Variants in FFAR4 observed in about 807,000 individuals in gnomAD.
The protein encoded by FFAR4 is free fatty acid receptor 4.
Under a neutral mutation model 27.0 loss-of-function variants are expected in FFAR4, and 19 were observed. That is an observed-to-expected ratio of 0.70 (90% CI 0.49 to 1.03). FFAR4 has a LOEUF of 1.03. Ranked by LOEUF, FFAR4 falls within the 50% of genes least tolerant of loss-of-function variation. The probability of loss-of-function intolerance (pLI) is 0.00; values close to 1 mark genes in which losing one functional copy is unlikely to be tolerated. For missense variants in FFAR4, 476 were observed against 479.0 expected (o/e 0.99, Z 0.06); for synonymous variants, 254 against 215.6 (o/e 1.18, Z -1.56).
chr10:93,573,703 C>G (rs1474062561), intron 1 of FFAR4, among the ~76,000 whole-genome samples: 1 of 152,174 alleles, frequency 6.6e-6, no homozygotes, highest in Non-Finnish European at 1.5e-5. Context: ...GGGTGCCAGG[C>G]AGAGTTCTTA....
At chr10:93,579,495 C>A (rs1464255751) in intron 2 of FFAR4, among the ~76,000 whole-genome samples, 1 of 152,158 alleles carries the variant, frequency 6.6e-6, no homozygotes, top group East Asian at 1.9e-4. Flanking sequence ...AAGCTCTTCA[C>A]CAAAAAGTCT....
At chr10:93,571,878 A>C (rs1220740364) in intron 1 of FFAR4, among the ~76,000 whole-genome samples, 2 of 152,164 alleles carry the variant, frequency 1.3e-5, no homozygotes, top group Non-Finnish European at 2.9e-5. Flanking sequence ...CTCCAGAGGT[A>C]CTGCAGGAAG....
At chr10:93,573,472 A>G (rs1256830545) in intron 1 of FFAR4, among the ~76,000 whole-genome samples, 1 of 152,192 alleles carries the variant, frequency 6.6e-6, no homozygotes, top group Non-Finnish European at 1.5e-5. Flanking sequence ...CTGCGGGAGA[A>G]TACCTAGAAT....
chr10:93,588,790 A>G lies in FFAR4; in HGVS notation c.*1181A>G, dbSNP rs2058245894. ...AGCCTCAAATGCCTTGGCTCAAGCA[A>G]TCCTCCCGCCTCAGCCTCCCAAGTA... On this transcript the variant is annotated 3_prime_UTR_variant, in exon 3 of 3. Coordinates refer to ENST00000371481, the MANE Select transcript of FFAR4 (RefSeq NM_001195755.2). 2 of 152,264 alleles carry G rather than the reference A, an allele frequency of 1.3e-5. No individual in the cohort carries two copies. Among genetic ancestry groups the G allele is most frequent in the African/African-American group, 4.8e-5 (2 of 41,462 alleles). The allele number at this position is 152,264 out of a possible 1,614,324, so 9.4% of individuals were successfully genotyped here. A position where few individuals can be genotyped will look rare whatever the true frequency, so the allele number is the denominator to read the frequency against.
At chr10:93,582,544 C>CAAAA in intron 2 of FFAR4, among the ~76,000 whole-genome samples, 1 of 99,244 alleles carries the variant, frequency 1.0e-5, no homozygotes, top group African/African-American at 3.5e-5. Context: ...AACTCCATCT[C>CAAAA]AAAAAAAAAA....
intron 2 of FFAR4, among the ~76,000 whole-genome samples, chr10:93,583,627 T>C (rs1391363569): frequency 6.6e-6 from 1 of 152,070 alleles, no homozygotes; most frequent in African/African-American, 2.4e-5. Flanking sequence ...AAAGAACTAG[T>C]TTATGATAAA....
intron 2 of FFAR4, 106 bp from the exon 3 acceptor site, chr10:93,587,114 C>A (rs537423167): frequency 2.0e-6 from 2 of 988,778 alleles, no homozygotes; most frequent in Non-Finnish European, 3.0e-6. Context: ...AGGCACACAG[C>A]TTCAGTGCCT....
chr10:93,587,093 C>G (rs574516512), intron 2 of FFAR4, 127 bp from the exon 3 acceptor site: 1 of 793,358 alleles, frequency 1.3e-6, no homozygotes, highest in East Asian at 2.6e-5. Context: ...CTCGGGCACA[C>G]AAAGTCCCAG....
In FFAR4 at chr10:93,566,975, C is replaced by T; in HGVS notation, c.255C>T (p.Asp85=). 6.2e-7 allele frequency: 1 copy of T among 1,612,016 alleles called. No homozygotes were observed. The highest frequency in any genetic ancestry group is 1.1e-5 in the South Asian group (1 of 91,080). Residue 85 remains aspartate, a synonymous_variant, in exon 1 of 3, where the codon GAC becomes GAT. Transcript: ENST00000371481. The stretch of plus-strand genomic sequence containing the variant: ...TGGTACTCAACCTCTTCTGCGCGGA[C>T]CTGCTCTTCATCAGCGCTATCCCTC... ...ACLVLNLFCA[D]LLFISAIPLV...
chr10:93,579,232 G>A, intron 2 of FFAR4: 1 of 1,589,972 alleles, frequency 6.3e-7, no homozygotes, highest in Non-Finnish European at 8.6e-7. Context: ...GAGTAACAGA[G>A]TAACAGAGCA....
intron 1 of FFAR4, among the ~76,000 whole-genome samples, chr10:93,568,739 C>T (rs2058114728): frequency 6.6e-6 from 1 of 151,920 alleles, no homozygotes; most frequent in Non-Finnish European, 1.5e-5. Flanking sequence ...GTATCCTGTG[C>T]GAGATTTTTT....
In FFAR4 at chr10:93,587,412, G is replaced by A; in HGVS notation, c.889G>A (p.Val297Ile). The change falls in exon 3 of 3, where the codon GTC becomes ATC. Residue 297 changes from valine (V) to isoleucine (I), a missense_variant. Val to Ile is a conservative substitution (Grantham distance 29, BLOSUM62 3). Coordinates refer to ENST00000371481, the MANE Select transcript of FFAR4 (RefSeq NM_001195755.2). ...GATCCAGAACTTCAAGCAAGACCTG[G>A]TCATCTGGCCGTCCCTCTTCTTCTG... Reference protein sequence around the residue: ...ILIQNFKQDLVIWPSLFFWVV... With the variant: ...ILIQNFKQDLIIWPSLFFWVV... The A allele has an allele frequency of 6.2e-7, 1 of 1,613,846 alleles. No homozygotes were observed. The highest frequency in any genetic ancestry group is 8.5e-7 in the Non-Finnish European group (1 of 1,179,974).
Position 93,567,207 on chromosome 10 carries a change from TG to T in FFAR4, c.491del (p.Gly164AlafsTer33). On this transcript the variant is annotated frameshift_variant, in exon 1 of 3. Transcript: ENST00000371481. LOFTEE classifies it high-confidence loss of function. ...RARAVLLALI[W>X]GYSAVAALPL... is the part of the protein sequence containing the mutation. ...GCGGGCAGTGCTGCTGGCGCTCATCTGGGGCTATTCGGCGGTCGCCGCTCTG... is the reference window on the plus strand; with the variant it reads ...GCGGGCAGTGCTGCTGGCGCTCATCTGGGCTATTCGGCGGTCGCCGCTCTG... The T allele has an allele frequency of 6.2e-7, 1 of 1,602,886 alleles. No individual in the cohort carries two copies.
intron 2 of FFAR4, among the ~76,000 whole-genome samples, chr10:93,585,679 G>A (rs1368716905): frequency 6.6e-6 from 1 of 152,182 alleles, no homozygotes; most frequent in Non-Finnish European, 1.5e-5. Context: ...ATATGAGGTG[G>A]TTGCCCCCTT....
intron 2 of FFAR4, among the ~76,000 whole-genome samples, chr10:93,583,244 T>C (rs1490105447): frequency 2.0e-4 from 7 of 34,512 alleles, no homozygotes; most frequent in African/African-American, 1.0e-3. Flanking sequence ...CTACTAAAAA[T>C]ACAAAAAAAA....
rs144202367 is a variant in FFAR4, at chr10:93,578,357, C to T, written c.696+2138C>T. 8.2e-3 allele frequency among the ~76,000 whole-genome samples: 1,072 copies of T among 130,378 alleles called. 13 individuals carry two copies. Among genetic ancestry groups the T allele is most frequent in the African/African-American group, 0.031 (1,029 of 33,616 alleles). 85.5% of individuals were successfully genotyped at this position (130,378 alleles called of 152,430 possible). ...ACTTGAACCCAGGAAGAGGAGGTTG[C>T]AGTAAGCCGAGATCGTGCCACTGCA... On this transcript the variant is annotated intron_variant, in intron 2 of 2. Transcript: ENST00000371481.
intron 2 of FFAR4, among the ~76,000 whole-genome samples, chr10:93,585,207 G>A (rs920718567): frequency 6.7e-6 from 1 of 149,970 alleles, no homozygotes; most frequent in African/African-American, 2.4e-5. Flanking sequence ...TGCCTTCATT[G>A]CCTGCCATGC....
intron 2 of FFAR4, among the ~76,000 whole-genome samples, chr10:93,584,041 C>A (rs144539922): frequency 6.6e-6 from 1 of 151,162 alleles, no homozygotes. Flanking sequence ...TACTCAGAGG[C>A]GGTACCAATT....
intron 2 of FFAR4, among the ~76,000 whole-genome samples, chr10:93,583,936 C>G (rs2134555516): frequency 6.6e-6 from 1 of 152,352 alleles, no homozygotes; most frequent in East Asian, 1.9e-4. Context: ...TGTCGCCCTT[C>G]TTAGGATGGT....
Sources: gnomAD v4.1 joint callset for allele counts (sites outside exome capture counted in the v4.1 genomes callset) on GRCh38, gnomAD v4.1.1 for gene constraint, MANE v1.5 for transcripts, NCBI Gene and HGNC (gene_info 2026-07-23, HGNC 2026-07-21) for gene names.